The following TSHZ2 variants were observed in gnomAD, a reference collection of about 807,000 sequenced individuals.
TSHZ2 encodes the protein teashirt homolog 2.
A neutral mutation model predicts 74.4 loss-of-function variants in TSHZ2; 21 were observed. That is an observed-to-expected ratio of 0.28 (90% confidence interval 0.20 to 0.41). The LOEUF is 0.41. Among genes scored for constraint, TSHZ2 ranks in the 10% least tolerant of loss-of-function variants. TSHZ2 has a pLI of 1.00. For missense variants in TSHZ2, 1,244 were observed against 1,293.5 expected, an observed-to-expected ratio of 0.96 and a Z score of 0.59; for synonymous variants, 540 against 515.3, an observed-to-expected ratio of 1.05 and a Z score of -0.65.
At chr20:52,977,421 TACACACACACACACACACACACACACAC>T (rs36230826) in intron 1 of TSHZ2, among the ~76,000 whole-genome samples, 11 of 141,484 alleles carry the variant, frequency 7.8e-5, no homozygotes, top group African/African-American at 2.6e-4. Context: ...AATGGAAAAA[TACACACACACACACACACACACACACAC>T]ACACACACAC....
chr20:53,336,811 T>C (rs1979967284), intron 2 of TSHZ2, among the ~76,000 whole-genome samples: 1 of 152,188 alleles, frequency 6.6e-6, no homozygotes, highest in South Asian at 2.1e-4. Flanking sequence ...TATAATGTAT[T>C]ATATATATGA....
Position 53,323,563 on chromosome 20 carries a change from C to CTTTTTTTTTTTTT in TSHZ2, c.*8+67012_*8+67024dup, listed in dbSNP as rs34687825. On this transcript the variant is annotated intron_variant, in intron 2 of 2. Coordinates refer to ENST00000371497, the MANE Select transcript of TSHZ2 (RefSeq NM_173485.6). Reference sequence around the variant, plus strand: ...CACCCGTTTTCATTGCCTTGGAGGGCTTTTTTTTTTTTTTTTTTTTTTTTT... The same window carrying CTTTTTTTTTTTTT: ...CACCCGTTTTCATTGCCTTGGAGGGCTTTTTTTTTTTTTTTTTTTTTTTTTTTTTTTTTTTTTT... Among the ~76,000 whole-genome samples, 65 of 36,680 alleles carry CTTTTTTTTTTTTT rather than the reference C, an allele frequency of 1.8e-3. 17 individuals carry two copies. The highest frequency in any genetic ancestry group is 2.2e-3 in the Non-Finnish European group (47 of 21,684). The allele number at this position is 36,680 out of a possible 152,430, so 24.1% of individuals were successfully genotyped here. A position where few individuals can be genotyped will look rare whatever the true frequency, so the allele number is the denominator to read the frequency against.
intron 2 of TSHZ2, among the ~76,000 whole-genome samples, chr20:53,289,017 C>A (rs958932633): frequency 2.0e-5 from 3 of 152,078 alleles, no homozygotes; most frequent in South Asian, 2.1e-4. Flanking sequence ...ATTCTTATGC[C>A]TTTGAGTCCT....
In TSHZ2 at chr20:53,199,327, A is replaced by C. The variant is rs116796313; in HGVS notation, c.41-54172A>C. ...GTCTCTACTGAAAACACAGAAAATC[A>C]GCCAGGCGTGGTGGCACACGCCTGT... On this transcript the variant is annotated intron_variant, in intron 1 of 2. Coordinates refer to ENST00000371497, the MANE Select transcript of TSHZ2 (RefSeq NM_173485.6). 8.3e-3 allele frequency among the ~76,000 whole-genome samples: 1,263 copies of C among 152,192 alleles called. 18 individuals carry two copies. The highest frequency in any genetic ancestry group is 0.029 in the African/African-American group (1,211 of 41,530).
chr20:53,158,351 T>C (rs1987846387), intron 1 of TSHZ2, among the ~76,000 whole-genome samples: 1 of 152,160 alleles, frequency 6.6e-6, no homozygotes, highest in South Asian at 2.1e-4. Context: ...CTGACTTACC[T>C]GTGAGCAGGT....
At chr20:53,436,649 A>C (rs1221614924) in intron 2 of TSHZ2, among the ~76,000 whole-genome samples, 2 of 148,056 alleles carry the variant, frequency 1.4e-5, no homozygotes, top group African/African-American at 5.0e-5. Flanking sequence ...GGGTTCAAGC[A>C]CTTCTCCTGC....
At chr20:53,301,045 C>T (rs1310921873) in intron 2 of TSHZ2, among the ~76,000 whole-genome samples, 3 of 152,002 alleles carry the variant, frequency 2.0e-5, no homozygotes, top group Admixed American at 6.6e-5. Context: ...TCACTGCAAC[C>T]TTCACGTCCC....
chr20:53,371,874 C>CA (rs967830516), intron 2 of TSHZ2, among the ~76,000 whole-genome samples: 2,378 of 74,160 alleles, frequency 0.032, 51 homozygotes, highest in African/African-American at 0.081. Context: ...GACTCCGTCT[C>CA]AAAAAAAAAA....
At chr20:53,085,935 AGCTGC>A (rs1985686405) in intron 1 of TSHZ2, among the ~76,000 whole-genome samples, 1 of 152,162 alleles carries the variant, frequency 6.6e-6, no homozygotes, top group Admixed American at 6.5e-5. Context: ...TCTCCTCTCC[AGCTGC>A]GCTCAACCTC....
chr20:53,190,700 T>A (rs968992876), intron 1 of TSHZ2, among the ~76,000 whole-genome samples: 13 of 152,244 alleles, frequency 8.5e-5, no homozygotes, highest in Admixed American at 7.2e-4. Context: ...GCAGTTTTAA[T>A]GTATGTGAAG....
chr20:53,321,742 G>A (rs1183699823), intron 2 of TSHZ2, among the ~76,000 whole-genome samples: 2 of 150,132 alleles, frequency 1.3e-5, no homozygotes, highest in Non-Finnish European at 3.0e-5. Flanking sequence ...TTGAGTGAAG[G>A]GAGGTGGAGA....
intron 2 of TSHZ2, among the ~76,000 whole-genome samples, chr20:53,276,965 C>T (rs536472335): frequency 3.9e-5 from 6 of 152,298 alleles, no homozygotes; most frequent in Admixed American, 2.6e-4. Context: ...AGGGGTCCAT[C>T]AGGATGACCT....
At chr20:53,045,332 A>G (rs1007493677) in intron 1 of TSHZ2, among the ~76,000 whole-genome samples, 3 of 152,224 alleles carry the variant, frequency 2.0e-5, no homozygotes, top group Non-Finnish European at 2.9e-5. Flanking sequence ...GAAAATACAC[A>G]TGAGAATCCA....
At chr20:53,190,105 A>C (rs1600731898) in intron 1 of TSHZ2, among the ~76,000 whole-genome samples, 1 of 62,688 alleles carries the variant, frequency 1.6e-5, no homozygotes, top group East Asian at 5.8e-4. Flanking sequence ...ATATATATAT[A>C]TATATATATA....
chr20:53,256,563 G>A lies in TSHZ2; in HGVS notation c.3105G>A (p.Ter1035=). Reference sequence around the variant, plus strand: ...TTGTAACAGACGTGGATGAAGAATAGCTCTGCAGGTATGGGTTTGCTCTGA... The same window carrying A: ...TTGTAACAGACGTGGATGAAGAATAACTCTGCAGGTATGGGTTTGCTCTGA... ...SQFVTDVDEE[*] Residue 1035 remains the stop codon, a stop_retained_variant, in exon 2 of 3, where the codon TAG becomes TAA. Transcript: ENST00000371497. The surrounding 1 kb of genome is among the most constrained non-coding windows in gnomAD (Gnocchi z 4.3). 1 of 1,576,630 alleles carries A rather than the reference G, an allele frequency of 6.3e-7. No individual in the cohort carries two copies. The highest frequency in any genetic ancestry group is 8.6e-7 in the Non-Finnish European group (1 of 1,157,266).
At chr20:53,478,704 AT>A (rs1278908763) in intron 2 of TSHZ2, among the ~76,000 whole-genome samples, 3 of 151,796 alleles carry the variant, frequency 2.0e-5, no homozygotes, top group African/African-American at 7.2e-5. Context: ...TAGTTATCAG[AT>A]TAAAAAAAAG....
intron 1 of TSHZ2, among the ~76,000 whole-genome samples, chr20:52,988,418 A>C (rs896358448): frequency 6.6e-6 from 1 of 152,202 alleles, no homozygotes; most frequent in African/African-American, 2.4e-5. Flanking sequence ...AGGCCCACCT[A>C]TCAGAGTCCA....
In TSHZ2 at chr20:52,973,340, GA is replaced by G; in HGVS notation, c.40+10del. On this transcript the variant is annotated splice_region_variant and intron_variant, in intron 1 of 2. Coordinates refer to ENST00000371497, the MANE Select transcript of TSHZ2 (RefSeq NM_173485.6). The stretch of plus-strand genomic sequence containing the variant: ...GCACCCAAGCGGGCGGCAGGTAAGA[GA>G]AACGGCTCCGCTTCGGGGCTGCCCT... 1 of 1,547,642 alleles carries G rather than the reference GA, an allele frequency of 6.5e-7. No homozygotes were observed. The highest frequency in any genetic ancestry group is 8.7e-7 in the Non-Finnish European group (1 of 1,145,102).
In TSHZ2 at chr20:53,475,099, C is replaced by A. The variant is rs527520085; in HGVS notation, c.*9-12045C>A. On this transcript the variant is annotated intron_variant, in intron 2 of 2. Transcript: ENST00000371497. ...CCACTGTCAACATTAGACAGATCAA[C>A]GAGACAGAAAGTCAGCAAGGATACC... Among the ~76,000 whole-genome samples the A allele has an allele frequency of 5.0e-5, 7 of 139,704 alleles. 1 individual carries two copies. The highest frequency in any genetic ancestry group is 1.9e-4 in the African/African-American group (7 of 35,898). The allele number at this position is 139,704 out of a possible 152,430, so 91.7% of individuals were successfully genotyped here.
Sources: allele counts gnomAD v4.1 joint callset (sites outside exome capture counted in the v4.1 genomes callset), GRCh38; gene constraint gnomAD v4.1.1; non-coding constraint Gnocchi (gnomAD v3.1); transcripts MANE v1.5; gene names NCBI Gene and HGNC (gene_info 2026-07-23, HGNC 2026-07-21).